Variants in NAGK observed in about 807,000 individuals in gnomAD.
The protein encoded by NAGK is N-acetylglucosamine kinase.
Under a neutral mutation model 42.9 loss-of-function variants are expected in NAGK, and 35 were observed. That is an observed-to-expected ratio of 0.82 (90% confidence interval 0.62 to 1.08). NAGK has a LOEUF of 1.08. Ranked by LOEUF, NAGK falls within the 50% of genes least tolerant of loss-of-function variation. The pLI is 0.00. For synonymous variants in NAGK, 172 were observed against 176.0 expected, an observed-to-expected ratio of 0.98 and a Z score of 0.18; for missense variants, 446 against 446.0, an observed-to-expected ratio of 1.00 and a Z score of 0.00.
chr2:71,068,530 G>T (rs550904969), upstream of NAGK: 1 of 1,460,908 alleles, frequency 6.8e-7, no homozygotes, highest in Admixed American at 2.8e-5. Context: ...GCTCCTACCG[G>T]CGCCCCGCCC....
Position 71,072,722 on chromosome 2 carries a change from G to A in NAGK, c.437G>A (p.Trp146Ter). ...PDGSESGCGG[W>*]GHMMGDEGSA... ...GGCTCCGAGAGTGGCTGCGGCGGCT[G>A]GGGCCATATGATGGGTGATGAGGGT... The change falls in exon 5 of 10, where the codon TGG becomes TAG. Residue 146 changes from tryptophan (W) to a stop codon, truncating the protein, a stop_gained. Transcript: ENST00000244204. LOFTEE classifies it high-confidence loss of function. 3 of 1,613,954 alleles carry A rather than the reference G, an allele frequency of 1.9e-6. No individual in the cohort carries two copies. The highest frequency in any genetic ancestry group is 2.5e-6 in the Non-Finnish European group (3 of 1,179,928).
At position 71,078,323 on chromosome 2, in the gene NAGK, C is replaced by A; in HGVS notation, c.850C>A (p.Leu284Ile). The A allele has an allele frequency of 6.2e-7, 1 of 1,614,120 alleles. No individual in the cohort carries two copies. Residue 284 changes from leucine to isoleucine, a missense_variant, in exon 10 of 10, where the codon CTT (leucine) becomes ATT (isoleucine). Physicochemically the swap from Leu to Ile is conservative, Grantham distance 5. Transcript: ENST00000244204. Reference protein sequence around the residue: ...KSWELLKEGFLLALTQGREIQ... With the variant: ...KSWELLKEGFILALTQGREIQ... ...CCTTGTGTTCTTCCCTCCAGGTTTT[C>A]TTCTGGCGCTGACCCAGGGCAGAGA...
intron 7 of NAGK, chr2:71,075,893 G>A (rs754297669): frequency 9.6e-6 from 5 of 519,380 alleles, no homozygotes; most frequent in Admixed American, 6.4e-5. Flanking sequence ...TAGGCTGTAT[G>A]CCTGTTTCTG....
At chr2:71,071,529 G>A in intron 3 of NAGK, 157 bp from the exon 4 acceptor site, 2 of 1,033,170 alleles carry the variant, frequency 1.9e-6, no homozygotes. Flanking sequence ...ACAGCCTTCT[G>A]AGGGGTCATT....
intron 8 of NAGK, 119 bp from the exon 9 acceptor site, chr2:71,077,439 C>A: frequency 1.1e-6 from 1 of 920,102 alleles, no homozygotes. Context: ...AGTCTGTCTA[C>A]TGTTTCTTGG....
In NAGK at chr2:71,078,335, AC is replaced by A; in HGVS notation, c.865del (p.Gln289ArgfsTer16). 1 of 1,613,928 alleles carries A rather than the reference AC, an allele frequency of 6.2e-7. No individual in the cohort carries two copies. Among genetic ancestry groups the A allele is most frequent in the Non-Finnish European group, 8.5e-7 (1 of 1,179,970 alleles). ...LLKEGFLLAL[T>X]QGREIQAQNF... Reference sequence around the variant, plus strand: ...CCCTCCAGGTTTTCTTCTGGCGCTGACCCAGGGCAGAGAGATCCAGGCTCAG... The same window carrying A: ...CCCTCCAGGTTTTCTTCTGGCGCTGACCAGGGCAGAGAGATCCAGGCTCAG... On this transcript the variant is annotated frameshift_variant, in exon 10 of 10. Transcript: ENST00000244204. LOFTEE classifies it high-confidence loss of function.
chr2:71,077,214 C>A (rs1340896101), intron 8 of NAGK, among the ~76,000 whole-genome samples: 1 of 152,198 alleles, frequency 6.6e-6, no homozygotes, highest in African/African-American at 2.4e-5. Context: ...ATCCACCCAC[C>A]TTGGCCCAAA....
At chr2:71,069,062 G>A in intron 1 of NAGK, 3 of 1,049,274 alleles carry the variant, frequency 2.9e-6, no homozygotes, top group Non-Finnish European at 3.4e-6. Context: ...CAGGTGTCAG[G>A]TGTGAAATTG....
At chr2:71,069,117 C>G (rs1671901980) in intron 1 of NAGK, 4 of 1,008,220 alleles carry the variant, frequency 4.0e-6, no homozygotes, top group Non-Finnish European at 4.7e-6. Flanking sequence ...AGAAGCGGGA[C>G]AAAGATCTTG....
chr2:71,077,804 C>A (rs1213537818), intron 9 of NAGK, among the ~76,000 whole-genome samples, 168 bp downstream of exon 9: 2 of 152,200 alleles, frequency 1.3e-5, no homozygotes, highest in African/African-American at 4.8e-5. Context: ...GCCATTGAGC[C>A]CTTTAATGAT....
At chr2:71,071,929 C>G (rs1672028319) in intron 4 of NAGK, 102 bp downstream of exon 4, 3 of 1,430,184 alleles carry the variant, frequency 2.1e-6, no homozygotes, top group Non-Finnish European at 2.8e-6. Context: ...CAGAAGGCAG[C>G]CACTCTTATA....
At chr2:71,077,744 G>A in intron 9 of NAGK, 108 bp downstream of exon 9, 1 of 1,161,782 alleles carries the variant, frequency 8.6e-7, no homozygotes, top group South Asian at 1.3e-5. Flanking sequence ...TGGACCCTGA[G>A]GCCTAGACAG....
chr2:71,074,349 C>T lies in NAGK; in HGVS notation c.579+755C>T, dbSNP rs193209993. Among the ~76,000 whole-genome samples the T allele has an allele frequency of 3.9e-4, 60 of 152,174 alleles. 1 individual carries two copies. The highest frequency in any genetic ancestry group is 1.2e-3 in the African/African-American group (50 of 41,516). On this transcript the variant is annotated intron_variant, in intron 6 of 9. Coordinates refer to ENST00000244204, the MANE Select transcript of NAGK (RefSeq NM_017567.6). ...AGGGATTGATGATTAAAGAGGGGCC[C>T]GGCTAGGCCAAGGTGAGGAATAGGA...
chr2:71,070,993 C>T (rs762173486), intron 3 of NAGK, 154 bp downstream of exon 3: 14 of 728,998 alleles, frequency 1.9e-5, no homozygotes, highest in Non-Finnish European at 1.9e-5. Flanking sequence ...AGTCTCATGG[C>T]TTCAGTTGCC....
At chr2:71,073,397 C>A in intron 5 of NAGK, 85 bp from the exon 6 acceptor site, 3 of 757,306 alleles carry the variant, frequency 4.0e-6, no homozygotes, top group Non-Finnish European at 4.3e-6. Context: ...TCAAGCAGAT[C>A]ACTAACCTGT....
In NAGK at chr2:71,075,556, T is replaced by G; in HGVS notation, c.581T>G (p.Val194Gly). ...VKQAMFHYFQ[V>G]PDRLGILTHL... The stretch of plus-strand genomic sequence containing the variant: ...CTCTTGTGCCCTTTCTCCTCTCAGG[T>G]GCCAGATCGGCTAGGGATACTCACT... The change falls in exon 7 of 10, where the codon GTG becomes GGG. Residue 194 changes from valine (V) to glycine (G), a missense_variant and splice_region_variant. Transcript: ENST00000244204. The G allele has an allele frequency of 6.2e-7, 1 of 1,612,574 alleles. No individual in the cohort carries two copies. Among genetic ancestry groups the G allele is most frequent in the Non-Finnish European group, 8.5e-7 (1 of 1,178,598 alleles).
intron 1 of NAGK, chr2:71,069,349 A>T (rs1190876722): frequency 1.3e-5 from 2 of 153,336 alleles, no homozygotes; most frequent in Non-Finnish European, 2.9e-5. Flanking sequence ...CGTATGTGCA[A>T]AGTGAGGATA....
chr2:71,068,545 C>T (rs1489777240), upstream of NAGK: 2 of 1,475,128 alleles, frequency 1.4e-6, no homozygotes, highest in Non-Finnish European at 1.8e-6. Context: ...CCGCCCCGCG[C>T]ATGCGCACGC....
chr2:71,078,247 T>G (rs1215016228), intron 9 of NAGK, 71 bp from the exon 10 acceptor site: 1 of 1,499,522 alleles, frequency 6.7e-7, no homozygotes, highest in African/African-American at 1.4e-5. Flanking sequence ...CGTCCTTGTC[T>G]GTCTTCCTTC....
Sources: gnomAD v4.1 joint callset for allele counts (sites outside exome capture counted in the v4.1 genomes callset) on GRCh38, gnomAD v4.1.1 for gene constraint, MANE v1.5 for transcripts, NCBI Gene and HGNC (gene_info 2026-07-23, HGNC 2026-07-21) for gene names.